Variants in ATP11C observed in about 807,000 individuals in gnomAD.
ATP11C encodes the protein ATPase phospholipid transporting 11C (ATP11C blood group), also known as phospholipid-transporting ATPase IG.
In ATP11C, 36 loss-of-function variants were observed where a neutral mutation model predicts 97.4. The observed-to-expected ratio is 0.37, with a 90% CI of 0.28 to 0.49. ATP11C has a LOEUF of 0.49. Ranked by LOEUF, ATP11C falls within the 20% of genes least tolerant of loss-of-function variation. ATP11C has a pLI of 0.98. For synonymous variants in ATP11C, 275 were observed against 290.9 expected (o/e 0.95, Z 0.56); for missense variants, 730 against 824.6 (o/e 0.89, Z 1.40).
intron 1 of ATP11C, among the ~76,000 whole-genome samples, chrX:139,904,759 G>A (rs1326913177): frequency 9.0e-6 from 1 of 110,661 alleles, no homozygotes; most frequent in Non-Finnish European, 1.9e-5. Flanking sequence ...CAGAAATGGG[G>A]TCCTCGGGGA....
chrX:139,734,398 T>C (rs773556876), intron 28 of ATP11C, among the ~76,000 whole-genome samples: 2 of 111,362 alleles, frequency 1.8e-5, no homozygotes, highest in Non-Finnish European at 3.8e-5. Context: ...GCTGGGTGCA[T>C]TCCCATTAAA....
intron 1 of ATP11C, among the ~76,000 whole-genome samples, chrX:139,918,470 G>A (rs902066339): frequency 9.5e-5 from 10 of 105,275 alleles, no homozygotes; most frequent in Non-Finnish European, 1.9e-4. Context: ...AAATTAGCTG[G>A]GCATAGTGGT....
At chrX:139,895,991 A>G (rs1425423738) in intron 1 of ATP11C, among the ~76,000 whole-genome samples, 3 of 111,705 alleles carry the variant, frequency 2.7e-5, no homozygotes, top group African/African-American at 9.8e-5. Context: ...AGAAGAAATA[A>G]GACCTAGTGT....
At position 139,785,313 on chromosome X, in the gene ATP11C, G is replaced by A; in HGVS notation, c.1593-14C>T. The A allele has an allele frequency of 6.9e-6, 8 of 1,161,794 alleles. No homozygotes were observed. Among genetic ancestry groups the A allele is most frequent in the Non-Finnish European group, 9.3e-6 (8 of 856,569 alleles). On this transcript the variant is annotated splice_polypyrimidine_tract_variant and intron_variant, in intron 15 of 29. Transcript: ENST00000682941. ...AGAAGTTCATATCTTTAAGAGAAATGAGCAAAGTAAAAAACCTAGAATATA... is the reference window on the plus strand; with the variant it reads ...AGAAGTTCATATCTTTAAGAGAAATAAGCAAAGTAAAAAACCTAGAATATA...
chrX:139,844,941 A>T (rs1277732766), intron 1 of ATP11C, among the ~76,000 whole-genome samples: 2 of 112,079 alleles, frequency 1.8e-5, no homozygotes, highest in African/African-American at 6.5e-5. Flanking sequence ...AGCACCCTGA[A>T]GATGGAATGT....
In ATP11C at chrX:139,796,291, A is replaced by T. The variant is rs1487198984; in HGVS notation, c.1188T>A (p.Leu396=). ...NEGALVNTSD[L]NEELGQVDYV... The stretch of plus-strand genomic sequence containing the variant: ...CTCTAACCTGACCAAGTTCTTCATT[A>T]AGGTCTGATGTGTTAACCAGGGCTC... Residue 396 remains leucine (L), a synonymous_variant, in exon 12 of 30, where the codon CTT becomes CTA. Coordinates refer to ENST00000682941, the MANE Select transcript of ATP11C (RefSeq NM_001353812.2). 5.9e-6 allele frequency: 7 copies of T among 1,193,236 alleles called. No homozygotes were observed. The South Asian group carries it at 1.3e-4, about 22-fold the overall frequency.
At position 139,874,446 on chromosome X, in the gene ATP11C, G is replaced by C. The variant is rs977176308; in HGVS notation, c.28-47623C>G. On this transcript the variant is annotated intron_variant, in intron 1 of 29. Coordinates refer to ENST00000682941, the MANE Select transcript of ATP11C (RefSeq NM_001353812.2). ...GGAATATAAAAAGCACTCAATAAAC[G>C]TTAGCTATTATTAGCAACCACATTA... Among the ~76,000 whole-genome samples the C allele has an allele frequency of 6.3e-5, 7 of 110,475 alleles. No homozygotes were observed. The Admixed American group carries it at 6.8e-4, about 11-fold the overall frequency.
chrX:139,809,923 G>A (rs1036699469), intron 5 of ATP11C, among the ~76,000 whole-genome samples: 3 of 111,262 alleles, frequency 2.7e-5, no homozygotes, highest in Admixed American at 9.5e-5. Context: ...CCAAGATCAC[G>A]CCATTGTACT....
intron 1 of ATP11C, among the ~76,000 whole-genome samples, chrX:139,851,585 T>A (rs2083991057): frequency 9.0e-6 from 1 of 111,218 alleles, no homozygotes; most frequent in Non-Finnish European, 1.9e-5. Flanking sequence ...TCCAGAACTG[T>A]AGAGCTCCTA....
intron 1 of ATP11C, among the ~76,000 whole-genome samples, chrX:139,875,918 A>G (rs1021956317): frequency 6.4e-4 from 72 of 112,166 alleles, no homozygotes; most frequent in African/African-American, 2.1e-3. Context: ...TGAAAAAGGA[A>G]AAGTCAGAAG....
intron 2 of ATP11C, 79 bp from the exon 3 acceptor site, chrX:139,819,506 CA>C: frequency 5.3e-6 from 2 of 378,982 alleles, no homozygotes; most frequent in South Asian, 9.9e-5. Context: ...ATTATGGGTC[CA>C]CATTATCATA....
At chrX:139,747,710 C>T (rs1311011077) in intron 24 of ATP11C, among the ~76,000 whole-genome samples, 1 of 111,918 alleles carries the variant, frequency 8.9e-6, no homozygotes, top group Admixed American at 9.4e-5. Context: ...ATCTATAATA[C>T]ACTACACAAC....
chrX:139,765,175 T>A (rs1235011495), intron 20 of ATP11C, among the ~76,000 whole-genome samples: 1 of 111,143 alleles, frequency 9.0e-6, no homozygotes, highest in African/African-American at 3.3e-5. Context: ...ACTTTTTCAC[T>A]CAGCCCTAGA....
chrX:139,787,310 T>A (rs1415185642), intron 14 of ATP11C, 66 bp from the exon 15 acceptor site: 2 of 960,214 alleles, frequency 2.1e-6, no homozygotes, highest in South Asian at 2.5e-5. Flanking sequence ...TATTATTATT[T>A]TTTTTGAGAC....
intron 5 of ATP11C, among the ~76,000 whole-genome samples, chrX:139,810,623 T>A (rs2147821275): frequency 8.9e-6 from 1 of 112,262 alleles, no homozygotes. Context: ...GCTAAAGCAA[T>A]ACTTGGAGGA....
At chrX:139,924,233 A>G (rs1465940385) in intron 1 of ATP11C, 2 of 383,119 alleles carry the variant, frequency 5.2e-6, no homozygotes, top group Admixed American at 5.1e-5. Flanking sequence ...GGGTGCATCA[A>G]TTTACCACCG....
At chrX:139,781,869 C>T (rs2082466269) in intron 18 of ATP11C, among the ~76,000 whole-genome samples, 1 of 111,964 alleles carries the variant, frequency 8.9e-6, no homozygotes, top group African/African-American at 3.2e-5. Context: ...AATCTTACCC[C>T]TTTGTCTAGG....
At chrX:139,757,297 C>A (rs1015482939) in intron 23 of ATP11C, among the ~76,000 whole-genome samples, 2 of 111,644 alleles carry the variant, frequency 1.8e-5, no homozygotes, top group Non-Finnish European at 3.8e-5. Context: ...AGATGTCTCG[C>A]CATCCTACCA....
rs1408893274 is a variant in ATP11C at position 139,880,612 on chromosome X, T to C, written c.27+51404A>G. ...CAAGTAAAGGAGATAATATCCCATG[T>C]GAACTACTCCACTGAAAGGGAAGAA... is the stretch of plus-strand genomic sequence containing the variant. On this transcript the variant is annotated intron_variant, in intron 1 of 29. Transcript: ENST00000682941. 2.7e-5 allele frequency among the ~76,000 whole-genome samples: 3 copies of C among 111,173 alleles called. No homozygotes were observed. The Admixed American group carries it at 2.9e-4, about 11-fold the overall frequency.
Sources: gnomAD v4.1 joint callset for allele counts (sites outside exome capture counted in the v4.1 genomes callset) on GRCh38, gnomAD v4.1.1 for gene constraint, MANE v1.5 for transcripts, NCBI Gene and HGNC (gene_info 2026-07-23, HGNC 2026-07-21) for gene names.